The following FBXO42 variants were observed in gnomAD, a reference collection of about 807,000 sequenced individuals.
The protein encoded by FBXO42 is F-box only protein 42.
Under a neutral mutation model 71.7 loss-of-function variants are expected in FBXO42, and 12 were observed. The observed-to-expected ratio is 0.17, with a 90% CI of 0.11 to 0.27. The LOEUF (loss-of-function observed/expected upper bound fraction) is 0.27, where lower values mean the gene tolerates loss of function less well. Among genes scored for constraint, FBXO42 ranks in the 10% least tolerant of loss-of-function variants. FBXO42 has a pLI of 1.00. For missense variants in FBXO42, 707 were observed against 911.9 expected, an observed-to-expected ratio of 0.78 and a Z score of 2.89; for synonymous variants, 325 against 327.5, an observed-to-expected ratio of 0.99 and a Z score of 0.08.
chr1:16,292,879 G>A (rs1206607916), intron 4 of FBXO42: 6 of 152,212 alleles, frequency 3.9e-5, no homozygotes, highest in African/African-American at 1.4e-4. Flanking sequence ...AAGCTGAGAA[G>A]ATCTTCTATA....
chr1:16,348,004 A>AG (rs2100648032), intron 1 of FBXO42, among the ~76,000 whole-genome samples: 1 of 144,988 alleles, frequency 6.9e-6, no homozygotes, highest in East Asian at 1.9e-4. Context: ...AAAAAAAAAA[A>AG]AAAAAGAAAA....
chr1:16,281,695 G>C (rs1203851092), intron 4 of FBXO42, among the ~76,000 whole-genome samples: 1 of 145,130 alleles, frequency 6.9e-6, no homozygotes, highest in African/African-American at 2.6e-5. Context: ...GTCTCACTCT[G>C]CTGCCCAGGC....
At chr1:16,332,912 TA>T (rs2100612524) in intron 1 of FBXO42, among the ~76,000 whole-genome samples, 1 of 152,320 alleles carries the variant, frequency 6.6e-6, no homozygotes, top group African/African-American at 2.4e-5. Context: ...GTCATGAATT[TA>T]ACAATGAGAA....
chr1:16,258,847 C>CGA (rs1365639550), intron 4 of FBXO42, among the ~76,000 whole-genome samples: 5 of 152,106 alleles, frequency 3.3e-5, no homozygotes, highest in Non-Finnish European at 5.9e-5. Context: ...AAGCAATCCT[C>CGA]TTGCTTCAGC....
chr1:16,287,727 G>A (rs2082036494), intron 4 of FBXO42, among the ~76,000 whole-genome samples: 1 of 152,166 alleles, frequency 6.6e-6, no homozygotes, highest in African/African-American at 2.4e-5. Flanking sequence ...TAGGATTACA[G>A]GTGTGAGCCA....
intron 1 of FBXO42, among the ~76,000 whole-genome samples, chr1:16,324,158 GATAAA>G (rs1007125573): frequency 5.3e-5 from 8 of 152,100 alleles, no homozygotes; most frequent in African/African-American, 1.9e-4. Context: ...GTAGAAAAAG[GATAAA>G]ATAAAAAATT....
intron 3 of FBXO42, 52 bp downstream of exon 3, chr1:16,305,751 T>C: frequency 6.7e-7 from 1 of 1,481,624 alleles, no homozygotes. Context: ...AACAAGTTTC[T>C]GGAAATATGA....
In FBXO42 at chr1:16,251,009, C is replaced by T. The variant is rs755833426; in HGVS notation, c.1815G>A (p.Gly605=). Reference sequence around the variant, plus strand: ...AGGAATGTCCATCTCCTTGGGCAGGCCCTGGGCGAGGGATGGGCACTGTTT... The same window carrying T: ...AGGAATGTCCATCTCCTTGGGCAGGTCCTGGGCGAGGGATGGGCACTGTTT... ...SGETVPIPRP[G]PAQGDGHSLP... The change falls in exon 10 of 10, where the codon GGG becomes GGA. Residue 605 remains glycine (G), a synonymous_variant. Transcript: ENST00000375592. The surrounding 1 kb of genome is among the most constrained non-coding windows in gnomAD (Gnocchi z 4.5). The T allele has an allele frequency of 6.8e-6, 11 of 1,614,082 alleles. No homozygotes were observed. In the African/African-American group the frequency reaches 1.3e-4, roughly 20 times the overall value.
At chr1:16,322,022 TAGTC>T (rs2082413132) in intron 1 of FBXO42, among the ~76,000 whole-genome samples, 1 of 150,328 alleles carries the variant, frequency 6.7e-6, no homozygotes, top group African/African-American at 2.5e-5. Flanking sequence ...CACCAAAAAT[TAGTC>T]AGGCGTGGTG....
chr1:16,300,411 T>C (rs888901444), intron 3 of FBXO42, among the ~76,000 whole-genome samples: 2 of 152,256 alleles, frequency 1.3e-5, no homozygotes, highest in African/African-American at 4.8e-5. Context: ...CACTATTCTA[T>C]AATCATCTCA....
chr1:16,323,979 A>C (rs2082430701), intron 1 of FBXO42, among the ~76,000 whole-genome samples: 2 of 152,066 alleles, frequency 1.3e-5, no homozygotes, highest in Admixed American at 6.6e-5. Flanking sequence ...AAAGTGAACC[A>C]CTTCAGCAGC....
At chr1:16,308,214 CAA>C (rs2082272597) in intron 2 of FBXO42, among the ~76,000 whole-genome samples, 1 of 152,108 alleles carries the variant, frequency 6.6e-6, no homozygotes, top group Non-Finnish European at 1.5e-5. Flanking sequence ...CTCCTGAGCT[CAA>C]GTGTTCCTCC....
rs373562877 is a variant in FBXO42 at position 16,251,682 on chromosome 1, G to A, written c.1142C>T (p.Ala381Val). Residue 381 changes from alanine to valine, a missense_variant, in exon 10 of 10, where the codon GCT becomes GTT. By Grantham distance (64) the Ala-to-Val change is moderately conservative. Transcript: ENST00000375592. This position sits in a 1 kb window ranked among gnomAD's most constrained non-coding sequence, Gnocchi z 4.5. ...GTACTCTCGGGTTTCAGGAACGAGA[G>A]CTGGAGGAGTGGCACTGATAGGTGA... ...RPSPISATPPALVPETREYRS... is the reference protein window; with the variant it reads ...RPSPISATPPVLVPETREYRS... 118 of 1,614,092 alleles carry A rather than the reference G, an allele frequency of 7.3e-5. No homozygotes were observed. The highest frequency in any genetic ancestry group is 3.3e-4 in the Middle Eastern group (2 of 6,084).
chr1:16,316,169 C>CAAAAAAAAA (rs58485035), intron 1 of FBXO42, among the ~76,000 whole-genome samples: 1 of 109,068 alleles, frequency 9.2e-6, no homozygotes, highest in Admixed American at 1.0e-4. Context: ...ACCTCCATCT[C>CAAAAAAAAA]AAAAAAAAAA....
At chr1:16,297,745 T>C (rs982813453) in intron 3 of FBXO42, among the ~76,000 whole-genome samples, 5 of 151,462 alleles carry the variant, frequency 3.3e-5, no homozygotes, top group Admixed American at 2.0e-4. Context: ...CAGGCGCCTG[T>C]AGTTCCAGTT....
intron 1 of FBXO42, among the ~76,000 whole-genome samples, chr1:16,327,626 A>C (rs762363970): frequency 2.0e-5 from 3 of 152,324 alleles, no homozygotes; most frequent in Non-Finnish European, 4.4e-5. Context: ...GTAACACAGA[A>C]AAGTGACCAT....
intron 1 of FBXO42, among the ~76,000 whole-genome samples, chr1:16,332,804 G>C (rs1451784213): frequency 6.6e-6 from 1 of 152,152 alleles, no homozygotes; most frequent in Non-Finnish European, 1.5e-5. Flanking sequence ...GCCTCCCAAA[G>C]TGCTGGGATT....
intron 3 of FBXO42, among the ~76,000 whole-genome samples, chr1:16,295,516 A>G (rs558240669): frequency 6.6e-6 from 1 of 151,946 alleles, no homozygotes; most frequent in East Asian, 1.9e-4. Context: ...TCAGCCTCCC[A>G]AGTAGCTGGG....
intron 1 of FBXO42, among the ~76,000 whole-genome samples, chr1:16,339,778 C>A (rs1461752878): frequency 6.6e-6 from 1 of 152,162 alleles, no homozygotes; most frequent in Non-Finnish European, 1.5e-5. Context: ...TGAAGTAAAT[C>A]TTTGCTTCAC....
Sources: allele counts gnomAD v4.1 joint callset (sites outside exome capture counted in the v4.1 genomes callset), GRCh38; gene constraint gnomAD v4.1.1; non-coding constraint Gnocchi (gnomAD v3.1); transcripts MANE v1.5; gene names NCBI Gene and HGNC (gene_info 2026-07-23, HGNC 2026-07-21).